SAG: variants seen among roughly 807,000 people sequenced by gnomAD.
SAG encodes S-antigen visual arrestin.
Under a neutral mutation model 55.0 loss-of-function variants are expected in SAG, and 45 were observed. The ratio of observed to expected loss-of-function variants is 0.82; its 90% CI spans 0.64 to 1.05. SAG has a LOEUF of 1.05. Ranked by LOEUF, SAG falls within the 50% of genes least tolerant of loss-of-function variation. SAG has a pLI of 0.00. For missense variants in SAG, 455 were observed against 512.1 expected, an observed-to-expected ratio of 0.89 and a Z score of 1.08; for synonymous variants, 189 against 197.4, an observed-to-expected ratio of 0.96 and a Z score of 0.36.
chr2:233,340,085 T>C lies in SAG; in HGVS notation c.1023-370T>C, dbSNP rs1384105770. ...AATTCCCCTGCCTCAGCCTCCCGAG[T>C]AGCTAAGATTACAGGCGCCTGCCAC... On this transcript the variant is annotated intron_variant, in intron 12 of 15. Coordinates refer to ENST00000409110, the MANE Select transcript of SAG (RefSeq NM_000541.5). The surrounding 1 kb of genome is among the most constrained non-coding windows in gnomAD (Gnocchi z 4.2). Among the ~76,000 whole-genome samples the C allele has an allele frequency of 6.6e-6, 1 of 151,764 alleles. No individual in the cohort carries two copies. The highest frequency in any genetic ancestry group is 1.5e-5 in the Non-Finnish European group (1 of 67,982).
At chr2:233,331,857 G>A (rs1287937064) in intron 10 of SAG, 145 bp downstream of exon 10, 4 of 682,278 alleles carry the variant, frequency 5.9e-6, no homozygotes, top group Non-Finnish European at 8.0e-6. Context: ...TTCGAGGGCT[G>A]CACAGAAAGT....
At chr2:233,324,105 GA>G (rs1176253969) in intron 6 of SAG, among the ~76,000 whole-genome samples, 2 of 152,242 alleles carry the variant, frequency 1.3e-5, no homozygotes, top group African/African-American at 4.8e-5. Context: ...AGCAAGGGAT[GA>G]AAGGGGGAGG....
At chr2:233,346,607 T>C (rs1247816752) in intron 15 of SAG, among the ~76,000 whole-genome samples, 195 bp downstream of exon 15, 1 of 152,226 alleles carries the variant, frequency 6.6e-6, no homozygotes, top group African/African-American at 2.4e-5. Flanking sequence ...GCTTGCTCAC[T>C]CTGCGCGTGC....
chr2:233,315,713 T>A (rs1427351936), intron 2 of SAG, among the ~76,000 whole-genome samples: 1 of 151,210 alleles, frequency 6.6e-6, no homozygotes, highest in Non-Finnish European at 1.5e-5. Flanking sequence ...TTTCTTTTTT[T>A]TTTTTTTGAG....
At chr2:233,332,063 G>T in intron 10 of SAG, 2 of 288,380 alleles carry the variant, frequency 6.9e-6, no homozygotes, top group Non-Finnish European at 1.3e-5. Flanking sequence ...CCCAGAAGAT[G>T]GTCAAATGAA....
In SAG at chr2:233,320,815, C is replaced by G; in HGVS notation, c.367C>G (p.Leu123Val). 6.3e-7 allele frequency: 1 copy of G among 1,590,110 alleles called. No individual in the cohort carries two copies. Among genetic ancestry groups the G allele is most frequent in the Non-Finnish European group, 8.6e-7 (1 of 1,168,398 alleles). Residue 123 changes from leucine to valine, a missense_variant, in exon 5 of 16, where the codon CTC becomes GTC. By Grantham distance (32) the Leu-to-Val change is conservative (BLOSUM62 1). Coordinates refer to ENST00000409110, the MANE Select transcript of SAG (RefSeq NM_000541.5). ...GCTGGGGAGCAACACGTACCCCTTT[C>G]TCCTGACGGTGGGTGACTCCTCCGG... is the stretch of plus-strand genomic sequence containing the variant. ...KKLGSNTYPFLLTFPDYLPCS... is the reference protein window; with the variant it reads ...KKLGSNTYPFVLTFPDYLPCS...
intron 9 of SAG, 150 bp downstream of exon 9, chr2:233,329,727 AG>A (rs1302707251): frequency 1.6e-6 from 1 of 619,040 alleles, no homozygotes; most frequent in Non-Finnish European, 2.9e-6. Flanking sequence ...AGGACTGCGG[AG>A]GGAGAAAGGC....
intron 7 of SAG, chr2:233,328,160 C>T (rs569118035): frequency 2.5e-3 from 698 of 278,656 alleles, no homozygotes; most frequent in Non-Finnish European, 2.9e-3. Flanking sequence ...AGGCCCTTGA[C>T]GCCCTCACAC....
chr2:233,343,165 C>G (rs1701156891), intron 14 of SAG: 1 of 150,262 alleles, frequency 6.7e-6, no homozygotes, highest in Non-Finnish European at 1.5e-5. Flanking sequence ...TCACTGCAAC[C>G]TCTGCCTCCC....
At chr2:233,309,720 T>A (rs1700025793) in intron 2 of SAG, among the ~76,000 whole-genome samples, 2 of 152,200 alleles carry the variant, frequency 1.3e-5, no homozygotes. Flanking sequence ...AGATGGATGA[T>A]CACTGAGCTA....
At chr2:233,346,564 C>T (rs991380055) in intron 15 of SAG, among the ~76,000 whole-genome samples, 152 bp downstream of exon 15, 1 of 152,238 alleles carries the variant, frequency 6.6e-6, no homozygotes, top group Non-Finnish European at 1.5e-5. Context: ...CTCCCTAGTG[C>T]TTACGGCACG....
At chr2:233,326,678 G>A (rs901520847) in intron 6 of SAG, among the ~76,000 whole-genome samples, 1 of 152,286 alleles carries the variant, frequency 6.6e-6, no homozygotes, top group East Asian at 1.9e-4. Flanking sequence ...GACCATGGGG[G>A]TCAGGGTTTC....
intron 12 of SAG, 33 bp downstream of exon 12, chr2:233,338,786 C>T (rs1559452679): frequency 6.4e-7 from 1 of 1,569,934 alleles, no homozygotes; most frequent in Non-Finnish European, 8.8e-7. Context: ...TCGGGCTGCT[C>T]TGTCCTGGTC....
At chr2:233,343,635 T>C (rs1485075027) in intron 14 of SAG, 6 of 1,248,628 alleles carry the variant, frequency 4.8e-6, no homozygotes, top group Non-Finnish European at 6.2e-6. Context: ...AAAAGGTAAA[T>C]GAAGCAGCAA....
chr2:233,319,948 T>C lies in SAG; in HGVS notation c.182-682T>C. ...CCTCTCGTGCTTTATATTTGAGAAA[T>C]ATGTGCTTCGTGTCTTTTTTAGAAG... On this transcript the variant is annotated intron_variant, in intron 4 of 15. Transcript: ENST00000409110. This position sits in a 1 kb window ranked among gnomAD's most constrained non-coding sequence, Gnocchi z 4.4. 1.0e-6 allele frequency: 1 copy of C among 985,522 alleles called. No homozygotes were observed. The highest frequency in any genetic ancestry group is 1.2e-6 in the Non-Finnish European group (1 of 829,952). 61.0% of individuals were successfully genotyped at this position (985,522 alleles called of 1,614,324 possible).
intron 2 of SAG, among the ~76,000 whole-genome samples, chr2:233,315,740 T>C (rs139734928): frequency 0.014 from 2,052 of 151,546 alleles, 45 homozygotes; most frequent in African/African-American, 0.048. Context: ...TCTCACTCTG[T>C]TGCCCAGGCT....
chr2:233,334,602 A>T (rs1700865427), intron 10 of SAG: 1 of 196,390 alleles, frequency 5.1e-6, no homozygotes, highest in Non-Finnish European at 1.1e-5. Context: ...CTCGTTGCTG[A>T]CACCAACCAG....
chr2:233,336,911 C>A (rs1181125230), intron 11 of SAG, among the ~76,000 whole-genome samples: 1 of 152,082 alleles, frequency 6.6e-6, no homozygotes, highest in East Asian at 1.9e-4. Context: ...GCCTGGGCAA[C>A]ATGGCGAAAA....
chr2:233,340,825 A>AT lies in SAG; in HGVS notation c.1046+353dup, dbSNP rs908980330. Among the ~76,000 whole-genome samples the AT allele has an allele frequency of 3.9e-5, 6 of 151,946 alleles. No homozygotes were observed. The highest frequency in any genetic ancestry group is 7.4e-5 in the Non-Finnish European group (5 of 67,992). ...ATTTTACCATTATATTATTTATTTTATTTTTTGAGATGTAGTCTCACTCTG... is the reference window on the plus strand; with the variant it reads ...ATTTTACCATTATATTATTTATTTTATTTTTTTGAGATGTAGTCTCACTCTG... On this transcript the variant is annotated intron_variant, in intron 13 of 15. Coordinates refer to ENST00000409110, the MANE Select transcript of SAG (RefSeq NM_000541.5). The surrounding 1 kb of genome is among the most constrained non-coding windows in gnomAD (Gnocchi z 4.2).
Sources: allele counts gnomAD v4.1 joint callset (sites outside exome capture counted in the v4.1 genomes callset), GRCh38; gene constraint gnomAD v4.1.1; non-coding constraint Gnocchi (gnomAD v3.1); transcripts MANE v1.5; gene names NCBI Gene and HGNC (gene_info 2026-07-23, HGNC 2026-07-21).